The following SNAPC4 variants were observed in gnomAD, a reference collection of about 807,000 sequenced individuals.
SNAPC4 encodes the protein small nuclear RNA activating complex polypeptide 4.
Under a neutral mutation model 151.3 loss-of-function variants are expected in SNAPC4, and 127 were observed. The ratio of observed to expected loss-of-function variants is 0.84; its 90% CI spans 0.73 to 0.97. The LOEUF (loss-of-function observed/expected upper bound fraction) is 0.97. SNAPC4 is among the 50% of genes least tolerant of loss of function. SNAPC4 has a pLI of 0.00. For synonymous variants in SNAPC4, 1,002 were observed against 824.4 expected (o/e 1.22, Z -3.69); for missense variants, 2,186 against 1,935.0 (o/e 1.13, Z -2.43).
Position 136,394,260 on chromosome 9 carries a change from G to T in SNAPC4, c.621C>A (p.Pro207=), listed in dbSNP as rs747134504. Residue 207 remains proline (P), a synonymous_variant, in exon 7 of 24, where the codon CCC becomes CCA. Coordinates refer to ENST00000684778, the MANE Select transcript of SNAPC4 (RefSeq NM_003086.4). ...GGTTTTAGACTTACTTCAGTAACTT[G>T]GGCTGAAGCAATCGCTGCAGGCGGT... The part of the protein sequence containing the change: ...VSDRLQRLLQ[P]KLLKLEYLHQ... 1 of 1,612,914 alleles carries T rather than the reference G, an allele frequency of 6.2e-7. No homozygotes were observed. Among genetic ancestry groups the T allele is most frequent in the Non-Finnish European group, 8.5e-7 (1 of 1,179,042 alleles).
At position 136,395,293 on chromosome 9, in the gene SNAPC4, C is replaced by G. The variant is rs766700505; in HGVS notation, c.471+5G>C. The G allele has an allele frequency of 9.3e-6, 15 of 1,612,448 alleles. No individual in the cohort carries two copies. In the East Asian group the frequency reaches 2.9e-4, roughly 31 times the overall value. On this transcript the variant is annotated splice_donor_5th_base_variant and intron_variant, in intron 5 of 23. Transcript: ENST00000684778. ...GCCGACAAGAGCAGGGCCTCGGCCA[C>G]TCACCACGCCCGTGACCTTGTCCTT...
At chr9:136,377,505 G>T in intron 22 of SNAPC4, 38 bp downstream of exon 22, 2 of 1,496,692 alleles carry the variant, frequency 1.3e-6, no homozygotes, top group Non-Finnish European at 1.8e-6. Flanking sequence ...AGGGACCGCC[G>T]CCTGCCATGG....
intron 18 of SNAPC4, 81 bp from the exon 19 acceptor site, chr9:136,381,473 C>T: frequency 7.6e-7 from 1 of 1,319,312 alleles, no homozygotes; most frequent in Non-Finnish European, 1.1e-6. Context: ...GCCCCAGCTC[C>T]CACGTGCCTT....
intron 13 of SNAPC4, 112 bp from the exon 14 acceptor site, chr9:136,384,926 A>T: frequency 1.7e-6 from 1 of 576,838 alleles, no homozygotes; most frequent in Non-Finnish European, 3.0e-6. Flanking sequence ...GCAAGCAACA[A>T]AAGAAAACTA....
At chr9:136,380,010 A>G (rs1833629404) in intron 20 of SNAPC4, 146 bp from the exon 21 acceptor site, 2 of 1,427,422 alleles carry the variant, frequency 1.4e-6, no homozygotes, top group Admixed American at 1.9e-5. Flanking sequence ...ACGCCTCTGT[A>G]GGAACTCCGG....
chr9:136,389,434 G>A (rs555089165), intron 10 of SNAPC4, among the ~76,000 whole-genome samples: 3 of 152,262 alleles, frequency 2.0e-5, no homozygotes, highest in African/African-American at 4.8e-5. Context: ...ATGTGGTGCC[G>A]CTGAGCTGTG....
chr9:136,399,106 C>G (rs921524001), intron 1 of SNAPC4, among the ~76,000 whole-genome samples: 1 of 152,184 alleles, frequency 6.6e-6, no homozygotes, highest in Non-Finnish European at 1.5e-5. Flanking sequence ...GGGAGAAGGA[C>G]GCTAGAGAGA....
Position 136,383,711 on chromosome 9 carries a change from G to A in SNAPC4, c.1501-43C>T, listed in dbSNP as rs372055975. ...CTACTTAGAGGCCTTGGCAAGCCCG[G>A]TTCACCCATGATGGCAGCAAGCAGG... On this transcript the variant is annotated intron_variant, in intron 15 of 23. Coordinates refer to ENST00000684778, the MANE Select transcript of SNAPC4 (RefSeq NM_003086.4). The surrounding 1 kb of genome is among the most constrained non-coding windows in gnomAD (Gnocchi z 4.2). 1.4e-4 allele frequency: 219 copies of A among 1,565,336 alleles called. No homozygotes were observed. In the African/African-American group the frequency reaches 2.6e-3, roughly 18 times the overall value.
chr9:136,382,191 A>G, intron 17 of SNAPC4, 62 bp downstream of exon 17: 2 of 1,599,458 alleles, frequency 1.3e-6, no homozygotes, highest in Non-Finnish European at 1.7e-6. Flanking sequence ...GGGGAGAGGA[A>G]TCACTCAGAC....
Position 136,377,558 on chromosome 9 carries a change from G to A in SNAPC4, c.4269C>T (p.Ala1423=). The A allele has an allele frequency of 6.6e-7, 1 of 1,517,200 alleles. No individual in the cohort carries two copies. Among genetic ancestry groups the A allele is most frequent in the Non-Finnish European group, 8.8e-7 (1 of 1,131,858 alleles). The allele number at this position is 1,517,200 out of a possible 1,614,324, so 94.0% of individuals were successfully genotyped here. The part of the protein sequence containing the change: ...DRDGQPGCTT[A]TCPIQGAPDS... Reference sequence around the variant, plus strand: ...CCCACCCTACCTGAATGGGGCATGTGGCTGTCGTGCAGCCCGGCTGCCCGT... The same window carrying A: ...CCCACCCTACCTGAATGGGGCATGTAGCTGTCGTGCAGCCCGGCTGCCCGT... Residue 1423 remains alanine, a synonymous_variant, in exon 22 of 24, where the codon GCC becomes GCT. Coordinates refer to ENST00000684778, the MANE Select transcript of SNAPC4 (RefSeq NM_003086.4).
Position 136,377,088 on chromosome 9 carries a change from A to G in SNAPC4, c.4284+455T>C, listed in dbSNP as rs532469436. Among the ~76,000 whole-genome samples, 6 of 152,318 alleles carry G rather than the reference A, an allele frequency of 3.9e-5. No homozygotes were observed. In the East Asian group the frequency reaches 9.7e-4, roughly 25 times the overall value. On this transcript the variant is annotated intron_variant, in intron 22 of 23. Coordinates refer to ENST00000684778, the MANE Select transcript of SNAPC4 (RefSeq NM_003086.4). ...CTACAGAGATTGGAAAACTCTCCCCAAGGACACTCAGAGAGGTGACAGCAG... is the reference window on the plus strand; with the variant it reads ...CTACAGAGATTGGAAAACTCTCCCCGAGGACACTCAGAGAGGTGACAGCAG...
At position 136,381,402 on chromosome 9, in the gene SNAPC4, CAG is replaced by C. The variant is rs1156689565; in HGVS notation, c.2318-12_2318-11del. On this transcript the variant is annotated splice_polypyrimidine_tract_variant and intron_variant, in intron 18 of 23. Coordinates refer to ENST00000684778, the MANE Select transcript of SNAPC4 (RefSeq NM_003086.4). ...TCCCTGAGGCCATCCGCTGCGGGCA[CAG>C]GGGGATAAGTGGAAAGCAGCCCCAG... 6.2e-7 allele frequency: 1 copy of C among 1,611,462 alleles called. No homozygotes were observed. Among genetic ancestry groups the C allele is most frequent in the Non-Finnish European group, 8.5e-7 (1 of 1,178,760 alleles).
In SNAPC4 at chr9:136,383,561, G is replaced by GCTGCTC. The variant is rs1186696867; in HGVS notation, c.1607_1608insGAGCAG (p.Ser535_Ser536insArgSer). 10 of 1,606,942 alleles carry GCTGCTC rather than the reference G, an allele frequency of 6.2e-6. No homozygotes were observed. Among genetic ancestry groups the GCTGCTC allele is most frequent in the Non-Finnish European group, 7.6e-6 (9 of 1,177,320 alleles). On this transcript the variant is annotated inframe_insertion, in exon 16 of 24. Transcript: ENST00000684778. The surrounding 1 kb of genome is among the most constrained non-coding windows in gnomAD (Gnocchi z 4.2). Reference sequence around the variant, plus strand: ...CCTCCTCGCTGCTGCTGCTGCTGCTGCTGCTGCTCCCTCCACTGCTGCCAC... The same window carrying GCTGCTC: ...CCTCCTCGCTGCTGCTGCTGCTGCTGCTGCTCCTGCTGCTCCCTCCACTGCTGCCAC...
intron 10 of SNAPC4, among the ~76,000 whole-genome samples, chr9:136,390,113 C>T (rs968943698): frequency 2.0e-5 from 3 of 152,200 alleles, no homozygotes; most frequent in African/African-American, 4.8e-5. Flanking sequence ...CAAAGTAAAA[C>T]GGACTCGACA....
In SNAPC4 at chr9:136,378,714, G is replaced by A. The variant is rs905477290; in HGVS notation, c.3113C>T (p.Pro1038Leu). The change falls in exon 22 of 24, where the codon CCT becomes CTT. Residue 1038 changes from proline to leucine, a missense_variant. Pro to Leu is a moderately conservative substitution (Grantham distance 98). Coordinates refer to ENST00000684778, the MANE Select transcript of SNAPC4 (RefSeq NM_003086.4). ...APAASRKQGL[P>L]EAPPFLPAAP... ...TGCGGGGAGAAAGGGTGGCGCCTCA[G>A]GCAGGCCCTGCTTCCGGGATGCAGC... The A allele has an allele frequency of 2.0e-6, 3 of 1,501,110 alleles. No individual in the cohort carries two copies. In the East Asian group the frequency reaches 7.1e-5, roughly 35 times the overall value. 93.0% of individuals were successfully genotyped at this position (1,501,110 alleles called of 1,614,324 possible). A position where few individuals can be genotyped will look rare whatever the true frequency, so the allele number is the denominator to read the frequency against.
At position 136,392,203 on chromosome 9, in the gene SNAPC4, G is replaced by T. The variant is rs1588762093; in HGVS notation, c.811-97C>A. The T allele has an allele frequency of 2.8e-6, 4 of 1,442,486 alleles. No individual in the cohort carries two copies. The East Asian group carries it at 6.8e-5, about 25-fold the overall frequency. The allele number at this position is 1,442,486 out of a possible 1,614,324, so 89.4% of individuals were successfully genotyped here. On this transcript the variant is annotated intron_variant, in intron 9 of 23. Transcript: ENST00000684778. ...AGCTGTTGCTCTCCGCCAGCTGGAG[G>T]CTTCCACGGCTGCAAGTAAGCGCAA...
rs200221905 is a variant in SNAPC4, at chr9:136,388,605, A to G, written c.976-14T>C. 3.7e-6 allele frequency: 6 copies of G among 1,613,812 alleles called. No homozygotes were observed. The highest frequency in any genetic ancestry group is 3.4e-6 in the Non-Finnish European group (4 of 1,179,952). ...GCTGCGGCTGGTCTTCCCAGGCCCA[A>G]ACAAAAGCAAATGAGTGTTACTGCG... On this transcript the variant is annotated splice_polypyrimidine_tract_variant and intron_variant, in intron 10 of 23. Coordinates refer to ENST00000684778, the MANE Select transcript of SNAPC4 (RefSeq NM_003086.4).
In SNAPC4 at chr9:136,399,504, G is replaced by A. The variant is rs575835472; in HGVS notation, c.-10+630C>T. On this transcript the variant is annotated intron_variant, in intron 1 of 23. Transcript: ENST00000684778. The stretch of plus-strand genomic sequence containing the variant: ...ACGAGGCTGCTGCCTCCCCCTCCCC[G>A]TGTCGCTCAGGTGAGCAATGATCAG... Among the ~76,000 whole-genome samples, 26 of 152,278 alleles carry A rather than the reference G, an allele frequency of 1.7e-4. 2 individuals carry two copies. In the South Asian group the frequency reaches 4.8e-3, roughly 28 times the overall value.
chr9:136,376,440 C>T lies in SNAPC4; in HGVS notation c.4326G>A (p.Leu1442=), dbSNP rs1272391014. The T allele has an allele frequency of 6.2e-7, 1 of 1,613,456 alleles. No homozygotes were observed. Among genetic ancestry groups the T allele is most frequent in the Non-Finnish European group, 8.5e-7 (1 of 1,179,912 alleles). ...DSGKCSASSC[L]DTSNDPDDLD... ...GGTCGTCAGGGTCATTAGAAGTATCCAGGCAGGAGGAAGCAGAGCATTTAC... is the reference window on the plus strand; with the variant it reads ...GGTCGTCAGGGTCATTAGAAGTATCTAGGCAGGAGGAAGCAGAGCATTTAC... Residue 1442 remains leucine (L), a synonymous_variant, in exon 23 of 24, where the codon CTG becomes CTA. Transcript: ENST00000684778.
Sources: allele counts gnomAD v4.1 joint callset (sites outside exome capture counted in the v4.1 genomes callset), GRCh38; gene constraint gnomAD v4.1.1; non-coding constraint Gnocchi (gnomAD v3.1); transcripts MANE v1.5; gene names NCBI Gene and HGNC (gene_info 2026-07-23, HGNC 2026-07-21).